Variants in MINDY3 observed in about 807,000 individuals in gnomAD.
MINDY3 encodes ubiquitin carboxyl-terminal hydrolase MINDY-3.
Under a neutral mutation model 69.2 loss-of-function variants are expected in MINDY3, and 38 were observed. The ratio of observed to expected loss-of-function variants is 0.55; its 90% CI spans 0.42 to 0.72. The LOEUF (loss-of-function observed/expected upper bound fraction) is 0.72. Among genes scored for constraint, MINDY3 ranks in the 30% least tolerant of loss-of-function variants. The probability of loss-of-function intolerance (pLI) is 0.00; values close to 1 mark genes in which losing one functional copy is unlikely to be tolerated. For missense variants in MINDY3, 522 were observed against 519.0 expected, an observed-to-expected ratio of 1.01 and a Z score of -0.06; for synonymous variants, 192 against 180.1, an observed-to-expected ratio of 1.07 and a Z score of -0.53.
intron 3 of MINDY3, 73 bp from the exon 4 acceptor site, chr10:15,841,672 G>T: frequency 1.2e-6 from 1 of 869,490 alleles, no homozygotes. Context: ...AATAACAATA[G>T]TAAGAATGGG....
intron 1 of MINDY3, among the ~76,000 whole-genome samples, chr10:15,855,319 T>G (rs1834612934): frequency 6.6e-6 from 1 of 152,144 alleles, no homozygotes; most frequent in Non-Finnish European, 1.5e-5. Context: ...AACAGGACTA[T>G]GCTGAGTAGA....
intron 10 of MINDY3, among the ~76,000 whole-genome samples, chr10:15,807,736 G>T (rs934121456): frequency 6.6e-6 from 1 of 152,066 alleles, no homozygotes; most frequent in Non-Finnish European, 1.5e-5. Context: ...AAATTCAGTG[G>T]AAAAGAGAGA....
rs141328240 is a variant in MINDY3, at chr10:15,790,216, T to C, written c.956-897A>G. On this transcript the variant is annotated intron_variant, in intron 11 of 14. Coordinates refer to ENST00000277632, the MANE Select transcript of MINDY3 (RefSeq NM_024948.4). ...TTTCAGGGTGTGGAATTGTACACTA[T>C]CTCTATCAGAAAGGAATGAAGTTAT... 3.1e-3 allele frequency among the ~76,000 whole-genome samples: 473 copies of C among 152,252 alleles called. 3 individuals are homozygous for C. The highest frequency in any genetic ancestry group is 0.011 in the African/African-American group (450 of 41,552).
chr10:15,847,001 G>T (rs1445565853), intron 2 of MINDY3, among the ~76,000 whole-genome samples: 1 of 152,104 alleles, frequency 6.6e-6, no homozygotes, highest in Non-Finnish European at 1.5e-5. Flanking sequence ...AGGATTACAG[G>T]TGCGAGCCAC....
At chr10:15,792,894 A>AT (rs1351244415) in intron 11 of MINDY3, among the ~76,000 whole-genome samples, 2 of 152,056 alleles carry the variant, frequency 1.3e-5, no homozygotes, top group Non-Finnish European at 2.9e-5. Flanking sequence ...TGTGCCACAC[A>AT]TTTTTTAAAA....
intron 8 of MINDY3, 91 bp downstream of exon 8, chr10:15,833,539 G>A: frequency 1.2e-6 from 1 of 821,934 alleles, no homozygotes; most frequent in Non-Finnish European, 2.0e-6. Context: ...TCTAGGTAAT[G>A]TAGAGCCATT....
intron 12 of MINDY3, among the ~76,000 whole-genome samples, chr10:15,788,644 G>A (rs1364762691): frequency 6.6e-6 from 1 of 151,972 alleles, no homozygotes; most frequent in Non-Finnish European, 1.5e-5. Flanking sequence ...TTTTTTCATG[G>A]ATAATAACTA....
chr10:15,838,392 C>A (rs1833233648), intron 4 of MINDY3, 113 bp from the exon 5 acceptor site: 2 of 805,496 alleles, frequency 2.5e-6, no homozygotes, highest in African/African-American at 1.8e-5. Flanking sequence ...TTTCCTTACT[C>A]CCTTAAAATT....
At chr10:15,848,264 A>C (rs1833993498) in intron 1 of MINDY3, among the ~76,000 whole-genome samples, 1 of 152,220 alleles carries the variant, frequency 6.6e-6, no homozygotes, top group African/African-American at 2.4e-5. Context: ...TACTAAATTC[A>C]AACAATTTTT....
intron 6 of MINDY3, 150 bp from the exon 7 acceptor site, chr10:15,834,766 T>G: frequency 1.7e-6 from 1 of 585,024 alleles, no homozygotes; most frequent in South Asian, 2.3e-5. Context: ...GGGGGTGCAT[T>G]TGAGATAACT....
At chr10:15,845,902 A>G (rs147341425) in intron 2 of MINDY3, among the ~76,000 whole-genome samples, 2,385 of 139,372 alleles carry the variant, frequency 0.017, 22 homozygotes, top group Middle Eastern at 0.041. Flanking sequence ...GGCTCACTGC[A>G]ACCTCCACCT....
intron 1 of MINDY3, among the ~76,000 whole-genome samples, chr10:15,858,931 T>A (rs1390680309): frequency 6.6e-6 from 1 of 151,854 alleles, no homozygotes; most frequent in Non-Finnish European, 1.5e-5. Context: ...CATAATTGAA[T>A]GTGAAAAAAA....
chr10:15,835,791 A>T (rs1260010691), intron 6 of MINDY3, among the ~76,000 whole-genome samples: 1 of 152,070 alleles, frequency 6.6e-6, no homozygotes, highest in African/African-American at 2.4e-5. Context: ...TTTACATTTA[A>T]TATTCCAAAT....
intron 10 of MINDY3, among the ~76,000 whole-genome samples, chr10:15,796,920 CTGT>C (rs1837884300): frequency 6.6e-6 from 1 of 152,054 alleles, no homozygotes; most frequent in Non-Finnish European, 1.5e-5. Flanking sequence ...ATGTAGGCTC[CTGT>C]TGTTTACCTC....
chr10:15,852,135 C>T (rs1564533851), intron 1 of MINDY3, among the ~76,000 whole-genome samples: 1 of 152,274 alleles, frequency 6.6e-6, no homozygotes, highest in East Asian at 1.9e-4. Flanking sequence ...CCAGTACTTA[C>T]CATAATCTGT....
intron 10 of MINDY3, among the ~76,000 whole-genome samples, chr10:15,816,260 C>CAAAAAAAAAAAAAAAAAAAAAAAAAAA (rs1164005904): frequency 1.1e-4 from 3 of 26,822 alleles, no homozygotes; most frequent in African/African-American, 1.6e-4. Context: ...GACTCCATCT[C>CAAAAAAAAAAAAAAAAAAAAAAAAAAA]AAAAAAAAAA....
At chr10:15,829,852 C>G (rs954700258) in intron 8 of MINDY3, among the ~76,000 whole-genome samples, 1 of 152,166 alleles carries the variant, frequency 6.6e-6, no homozygotes, top group African/African-American at 2.4e-5. Flanking sequence ...AACCTCAATG[C>G]ACAGGTAAGA....
intron 10 of MINDY3, 29 bp from the exon 11 acceptor site, chr10:15,796,201 C>G (rs766001514): frequency 6.4e-7 from 1 of 1,566,242 alleles, no homozygotes; most frequent in Non-Finnish European, 8.8e-7. Context: ...TGTTGTCAAC[C>G]AGCTACAGTA....
intron 11 of MINDY3, among the ~76,000 whole-genome samples, chr10:15,794,043 A>G (rs1479631181): frequency 6.6e-6 from 1 of 152,088 alleles, no homozygotes; most frequent in Non-Finnish European, 1.5e-5. Context: ...AAATCCACCT[A>G]CCTGTCAGAG....
Sources: allele counts gnomAD v4.1 joint callset (sites outside exome capture counted in the v4.1 genomes callset), GRCh38; gene constraint gnomAD v4.1.1; transcripts MANE v1.5; gene names NCBI Gene and HGNC (gene_info 2026-07-23, HGNC 2026-07-21).